Variants in C2orf49 observed in about 807,000 individuals in gnomAD.
The protein encoded by C2orf49 is tRNA-splicing ligase complex subunit ASW.
Under a neutral mutation model 20.6 loss-of-function variants are expected in C2orf49, and 11 were observed. The ratio of observed to expected loss-of-function variants is 0.53; its 90% confidence interval spans 0.34 to 0.88. The LOEUF (loss-of-function observed/expected upper bound fraction) is 0.88, where lower values mean the gene tolerates loss of function less well. Ranked by LOEUF, C2orf49 falls within the 40% of genes least tolerant of loss-of-function variation. The pLI is 0.02. For synonymous variants in C2orf49, 134 were observed against 108.5 expected, an observed-to-expected ratio of 1.24 and a Z score of -1.46; for missense variants, 289 against 274.2, an observed-to-expected ratio of 1.05 and a Z score of -0.38.
downstream of C2orf49, among the ~76,000 whole-genome samples, chr2:105,352,429 G>GTTTTTTTTTTTTTTTTTTTTTTTTTGT (rs61585149): frequency 2.5e-5 from 2 of 80,758 alleles, no homozygotes; most frequent in Admixed American, 1.9e-4. Context: ...GTTTGTTTGG[G>GTTTTTTTTTTTTTTTTTTTTTTTTTGT]TTTTTTTTTT....
the C2orf49 span, among the ~76,000 whole-genome samples, chr2:105,383,649 A>T: frequency 6.6e-6 from 1 of 152,192 alleles, no homozygotes; most frequent in Non-Finnish European, 1.5e-5. Flanking sequence ...TTAAGAGAAG[A>T]GATTGGCCAC....
chr2:105,372,062 G>T, the C2orf49 span, among the ~76,000 whole-genome samples: 1 of 152,164 alleles, frequency 6.6e-6, no homozygotes, highest in East Asian at 1.9e-4. Context: ...TGCCAACAGG[G>T]CTGGGACTGT....
intron 2 of C2orf49, among the ~76,000 whole-genome samples, chr2:105,340,447 A>C (rs926378922): frequency 6.6e-6 from 1 of 152,190 alleles, no homozygotes; most frequent in Non-Finnish European, 1.5e-5. Flanking sequence ...AATCCAGGCA[A>C]TAGATGGCAG....
the C2orf49 span, among the ~76,000 whole-genome samples, chr2:105,382,548 G>C: frequency 6.6e-6 from 1 of 152,332 alleles, no homozygotes; most frequent in South Asian, 2.1e-4. Flanking sequence ...TAGGGTGTTA[G>C]GAGAAATTTA....
At chr2:105,351,321 C>CCT (rs1317615193), downstream of C2orf49, among the ~76,000 whole-genome samples, 183 of 123,046 alleles carry the variant, frequency 1.5e-3, 5 homozygotes, top group African/African-American at 4.8e-3. Flanking sequence ...GCGCCCCCCC[C>CCT]CCCCCAAAAA....
At chr2:105,383,724 T>A in the C2orf49 span, among the ~76,000 whole-genome samples, 1 of 152,146 alleles carries the variant, frequency 6.6e-6, no homozygotes, top group Non-Finnish European at 1.5e-5. Context: ...GGGCTTTACT[T>A]CCAGAAAAAA....
the C2orf49 span, among the ~76,000 whole-genome samples, chr2:105,368,864 C>T: frequency 6.6e-3 from 1,009 of 152,272 alleles, 9 homozygotes; most frequent in African/African-American, 0.023. Flanking sequence ...TGTAAGTGCC[C>T]GGACTAGCTG....
chr2:105,381,348 C>T, the C2orf49 span, among the ~76,000 whole-genome samples: 2 of 152,156 alleles, frequency 1.3e-5, no homozygotes, highest in Non-Finnish European at 2.9e-5. Context: ...GCTCCCTAGA[C>T]GTTAACTCAC....
At chr2:105,340,101 A>G (rs1379399483) in intron 2 of C2orf49, among the ~76,000 whole-genome samples, 2 of 152,218 alleles carry the variant, frequency 1.3e-5, no homozygotes, top group African/African-American at 4.8e-5. Context: ...TCCAGGCAGA[A>G]TACAAGAGGC....
intron 2 of C2orf49, among the ~76,000 whole-genome samples, chr2:105,340,022 C>T (rs946486826): frequency 2.0e-5 from 3 of 152,000 alleles, no homozygotes; most frequent in Admixed American, 6.6e-5. Context: ...GTAAATTATC[C>T]AGGAAGATCT....
At chr2:105,353,132 C>CT (rs1023492507), downstream of C2orf49, among the ~76,000 whole-genome samples, 2 of 152,132 alleles carry the variant, frequency 1.3e-5, no homozygotes, top group East Asian at 1.9e-4. Flanking sequence ...ACTCATCTTT[C>CT]TTTTTTTTAA....
chr2:105,351,967 C>A (rs1265483548), downstream of C2orf49, among the ~76,000 whole-genome samples: 3 of 152,192 alleles, frequency 2.0e-5, no homozygotes, highest in Non-Finnish European at 4.4e-5. Context: ...TAACTCTAAT[C>A]TATTACCATA....
chr2:105,372,190 T>C, the C2orf49 span, among the ~76,000 whole-genome samples: 5 of 151,780 alleles, frequency 3.3e-5, no homozygotes, highest in Admixed American at 6.6e-5. Context: ...GATTACCTCC[T>C]TGCCTTTTTA....
chr2:105,382,594 C>A, the C2orf49 span, among the ~76,000 whole-genome samples: 4 of 152,248 alleles, frequency 2.6e-5, no homozygotes, highest in African/African-American at 9.6e-5. Flanking sequence ...GTGCCTGGAA[C>A]AAGTCATCAG....
intron 2 of C2orf49, among the ~76,000 whole-genome samples, chr2:105,342,540 T>A (rs1225606321): frequency 6.6e-6 from 1 of 152,200 alleles, no homozygotes; most frequent in Non-Finnish European, 1.5e-5. Flanking sequence ...TGGTGTTTGT[T>A]TTTTAACTAG....
chr2:105,360,315 AAAAAG>A, the C2orf49 span: 2 of 151,690 alleles, frequency 1.3e-5, no homozygotes, highest in Non-Finnish European at 2.9e-5. Context: ...AAAAAAAAAA[AAAAAG>A]GGAGAGAAGG....
intron 3 of C2orf49, 37 bp from the exon 4 acceptor site, chr2:105,345,278 C>T: frequency 6.4e-7 from 1 of 1,564,872 alleles, no homozygotes; most frequent in Non-Finnish European, 8.7e-7. Flanking sequence ...TCTGATATTT[C>T]TGCAAGTATA....
the C2orf49 span, chr2:105,363,098 T>C: frequency 1.7e-6 from 1 of 589,162 alleles, no homozygotes; most frequent in South Asian, 2.3e-5. Context: ...GAGGAAGGAA[T>C]CATTACTTGC....
At chr2:105,365,868 A>G in the C2orf49 span, among the ~76,000 whole-genome samples, 1 of 151,990 alleles carries the variant, frequency 6.6e-6, no homozygotes, top group East Asian at 1.9e-4. Context: ...CAGAAGCATA[A>G]AAGGAGAGGA....
Sources: gnomAD v4.1 joint callset for allele counts (sites outside exome capture counted in the v4.1 genomes callset) on GRCh38, gnomAD v4.1.1 for gene constraint, MANE v1.5 for transcripts, NCBI Gene and HGNC (gene_info 2026-07-23, HGNC 2026-07-21) for gene names.